RABGAP1L: variants seen among roughly 807,000 people sequenced by gnomAD.
The protein encoded by RABGAP1L is RAB GTPase activating protein 1 like, also known as rab GTPase-activating protein 1-like.
A neutral mutation model predicts 137.7 loss-of-function variants in RABGAP1L; 63 were observed. That is an observed-to-expected ratio of 0.46 (90% CI 0.37 to 0.56). The LOEUF (loss-of-function observed/expected upper bound fraction) is 0.56, where lower values mean the gene tolerates loss of function less well. Among genes scored for constraint, RABGAP1L ranks in the 20% least tolerant of loss-of-function variants. The pLI, the probability that RABGAP1L is intolerant of heterozygous loss-of-function variation, is 0.00. For missense variants in RABGAP1L, 1,095 were observed against 1,244.0 expected (o/e 0.88, Z 1.80); for synonymous variants, 431 against 433.7 (o/e 0.99, Z 0.08).
At chr1:174,971,611 G>A (rs981597897) in intron 21 of RABGAP1L, among the ~76,000 whole-genome samples, 1 of 152,178 alleles carries the variant, frequency 6.6e-6, no homozygotes, top group East Asian at 1.9e-4. Context: ...AAAAACTGCT[G>A]TTTCATGCAT....
chr1:174,287,047 A>G (rs1676122126), intron 10 of RABGAP1L, among the ~76,000 whole-genome samples: 1 of 151,882 alleles, frequency 6.6e-6, no homozygotes, highest in African/African-American at 2.4e-5. Context: ...TATTAGGTCC[A>G]TTTTTTCTAT....
intron 13 of RABGAP1L, among the ~76,000 whole-genome samples, chr1:174,430,199 T>C (rs1238304667): frequency 6.6e-6 from 1 of 151,886 alleles, no homozygotes; most frequent in East Asian, 1.9e-4. Context: ...CTGGGCAACA[T>C]GTTGAAACTC....
intron 1 of RABGAP1L, among the ~76,000 whole-genome samples, chr1:174,214,002 CAA>C (rs1429830654): frequency 6.6e-6 from 1 of 151,990 alleles, no homozygotes. Flanking sequence ...AGCTATCAGA[CAA>C]GAGAAAGCAA....
chr1:174,442,451 A>G (rs1483278989), intron 13 of RABGAP1L, among the ~76,000 whole-genome samples: 8 of 152,092 alleles, frequency 5.3e-5, no homozygotes. Flanking sequence ...TTTCTGTTCT[A>G]TATTCACCTA....
intron 21 of RABGAP1L, among the ~76,000 whole-genome samples, chr1:174,971,700 G>T (rs1052617325): frequency 6.6e-6 from 1 of 152,212 alleles, no homozygotes; most frequent in Non-Finnish European, 1.5e-5. Flanking sequence ...CCCTGCAGTT[G>T]AAGTGACCTG....
chr1:174,297,235 GGTTTTCTTTA>G (rs1677207848), intron 10 of RABGAP1L, among the ~76,000 whole-genome samples: 1 of 152,170 alleles, frequency 6.6e-6, no homozygotes, highest in Non-Finnish European at 1.5e-5. Context: ...TAGTGTTGCA[GGTTTTCTTTA>G]GTTCAGCTAA....
rs571089473 is a variant in RABGAP1L, at chr1:174,512,581, A to G, written c.1710+118436A>G. On this transcript the variant is annotated intron_variant, in intron 13 of 25. Coordinates refer to ENST00000681986, the MANE Select transcript of RABGAP1L (RefSeq NM_001366446.1). ...GACAACTGAAATGTATCATCTTGCCATGTATAAAAAGGCATGTTTCAAAGC... is the reference window on the plus strand; with the variant it reads ...GACAACTGAAATGTATCATCTTGCCGTGTATAAAAAGGCATGTTTCAAAGC... Among the ~76,000 whole-genome samples the G allele has an allele frequency of 8.3e-4, 126 of 152,314 alleles. 1 individual carries two copies. In the Middle Eastern group the frequency reaches 0.01, roughly 12 times the overall value.
intron 13 of RABGAP1L, among the ~76,000 whole-genome samples, chr1:174,507,056 A>G (rs1224146971): frequency 6.6e-6 from 1 of 152,202 alleles, no homozygotes; most frequent in African/African-American, 2.4e-5. Context: ...AACTTACCTT[A>G]TACACCATAA....
At chr1:174,353,568 C>T (rs1315541237) in intron 11 of RABGAP1L, among the ~76,000 whole-genome samples, 1 of 152,182 alleles carries the variant, frequency 6.6e-6, no homozygotes, top group Non-Finnish European at 1.5e-5. Context: ...AGTGCTTTAG[C>T]CCGTGGTGGT....
intron 18 of RABGAP1L, among the ~76,000 whole-genome samples, chr1:174,783,707 CTT>C (rs34367315): frequency 3.9e-5 from 4 of 102,462 alleles, no homozygotes; most frequent in South Asian, 6.6e-4. Context: ...TCTTCTTCTT[CTT>C]TTTTTTTTTT....
intron 13 of RABGAP1L, among the ~76,000 whole-genome samples, chr1:174,418,514 G>C (rs1388156126): frequency 6.6e-6 from 1 of 152,194 alleles, no homozygotes; most frequent in Non-Finnish European, 1.5e-5. Flanking sequence ...CCTGGATAGA[G>C]ATAGTCTATA....
chr1:174,465,045 C>T (rs546748226), intron 13 of RABGAP1L, among the ~76,000 whole-genome samples: 15 of 152,172 alleles, frequency 9.9e-5, no homozygotes, highest in Non-Finnish European at 2.1e-4. Context: ...ACCATTTGAT[C>T]CCATGTCATA....
At chr1:174,799,974 A>G in intron 18 of RABGAP1L, 1 of 992,658 alleles carries the variant, frequency 1.0e-6, no homozygotes, top group Non-Finnish European at 1.2e-6. Flanking sequence ...ACACACACAC[A>G]CACACTCTCA....
chr1:174,629,779 C>T (rs61826925), intron 13 of RABGAP1L, among the ~76,000 whole-genome samples: 13,682 of 152,232 alleles, frequency 0.09, 851 homozygotes, highest in East Asian at 0.22. Context: ...CCGCCTCAGC[C>T]TCCCAAAGTG....
At chr1:174,690,516 G>C (rs1678795086) in intron 15 of RABGAP1L, among the ~76,000 whole-genome samples, 1 of 152,006 alleles carries the variant, frequency 6.6e-6, no homozygotes, top group African/African-American at 2.4e-5. Context: ...GTCTAATAAT[G>C]GTAACTGTTG....
In RABGAP1L at chr1:174,509,442, A is replaced by G. The variant is rs1024721361; in HGVS notation, c.1710+115297A>G. Among the ~76,000 whole-genome samples the G allele has an allele frequency of 7.2e-5, 11 of 152,176 alleles. No individual in the cohort carries two copies. The East Asian group carries it at 1.9e-3, about 27-fold the overall frequency. On this transcript the variant is annotated intron_variant, in intron 13 of 25. Coordinates refer to ENST00000681986, the MANE Select transcript of RABGAP1L (RefSeq NM_001366446.1). ...CTTCTTCCTCAGGTAATGTACAATAATACATTATAGTAACCAAAATCGAGA... is the reference window on the plus strand; with the variant it reads ...CTTCTTCCTCAGGTAATGTACAATAGTACATTATAGTAACCAAAATCGAGA...
intron 13 of RABGAP1L, among the ~76,000 whole-genome samples, chr1:174,508,988 C>G (rs1423189687): frequency 6.6e-6 from 1 of 152,102 alleles, no homozygotes; most frequent in Non-Finnish European, 1.5e-5. Flanking sequence ...TTAAAAACTA[C>G]TGGCAAATTT....
At chr1:174,571,328 T>C (rs915467187) in intron 13 of RABGAP1L, among the ~76,000 whole-genome samples, 1 of 151,924 alleles carries the variant, frequency 6.6e-6, no homozygotes, top group Non-Finnish European at 1.5e-5. Flanking sequence ...AAAAAATAAT[T>C]AGAAAGAATG....
chr1:174,413,078 C>T (rs1353611128), intron 13 of RABGAP1L, among the ~76,000 whole-genome samples: 3 of 152,062 alleles, frequency 2.0e-5, no homozygotes, highest in African/African-American at 7.2e-5. Context: ...ACTTTTTCTC[C>T]TTTCTCAGGA....
Sources: gnomAD v4.1 joint callset for allele counts (sites outside exome capture counted in the v4.1 genomes callset) on GRCh38, gnomAD v4.1.1 for gene constraint, MANE v1.5 for transcripts, NCBI Gene and HGNC (gene_info 2026-07-23, HGNC 2026-07-21) for gene names.